The following LRIG3 variants were observed in gnomAD, a reference collection of about 807,000 sequenced individuals.
LRIG3 encodes the protein leucine rich repeats and immunoglobulin like domains 3.
LRIG3 carries 76 observed loss-of-function variants against 114.5 expected under a neutral mutation model. The observed-to-expected ratio is 0.66, with a 90% CI of 0.55 to 0.80. LRIG3 has a LOEUF of 0.80. LRIG3 is among the 30% of genes least tolerant of loss of function. LRIG3 has a pLI of 0.00. For synonymous variants in LRIG3, 512 were observed against 519.8 expected (o/e 0.98, Z 0.20); for missense variants, 1,239 against 1,382.8 (o/e 0.90, Z 1.65).
chr12:58,889,653 C>T (rs1871386195), intron 5 of LRIG3, among the ~76,000 whole-genome samples: 1 of 152,110 alleles, frequency 6.6e-6, no homozygotes, highest in African/African-American at 2.4e-5. Flanking sequence ...GCTATCAGAG[C>T]CTCCTGGAGT....
chr12:58,881,724 T>C (rs1871135940), intron 12 of LRIG3, among the ~76,000 whole-genome samples: 1 of 152,148 alleles, frequency 6.6e-6, no homozygotes, highest in Admixed American at 6.5e-5. Context: ...AAAGACAACT[T>C]TTTATGTGTA....
chr12:58,897,927 G>T (rs1269489073), intron 3 of LRIG3, among the ~76,000 whole-genome samples: 1 of 152,100 alleles, frequency 6.6e-6, no homozygotes, highest in African/African-American at 2.4e-5. Context: ...TGATTTACTT[G>T]TGAGTGGAGA....
chr12:58,915,796 A>G (rs1222098357), intron 1 of LRIG3, among the ~76,000 whole-genome samples: 1 of 152,210 alleles, frequency 6.6e-6, no homozygotes, highest in Non-Finnish European at 1.5e-5. Flanking sequence ...GGAAACCGTG[A>G]GCCCAACAAC....
At chr12:58,881,905 C>T (rs776630005) in intron 12 of LRIG3, among the ~76,000 whole-genome samples, 12 of 152,198 alleles carry the variant, frequency 7.9e-5, no homozygotes, top group East Asian at 7.7e-4. Flanking sequence ...TGTGTTTCAA[C>T]GTAATAGGGG....
chr12:58,906,667 G>A (rs902372592), intron 3 of LRIG3, among the ~76,000 whole-genome samples: 2 of 152,012 alleles, frequency 1.3e-5, no homozygotes, highest in South Asian at 2.1e-4. Context: ...ATAAGCCAAC[G>A]CTCCTATGAC....
At chr12:58,912,562 C>G (rs1036511906) in intron 3 of LRIG3, among the ~76,000 whole-genome samples, 2 of 152,164 alleles carry the variant, frequency 1.3e-5, no homozygotes, top group African/African-American at 4.8e-5. Context: ...GTTCTTAATG[C>G]TCTCAACGCT....
In LRIG3 at chr12:58,920,046, G is replaced by A; in HGVS notation, c.190C>T (p.Arg64Trp). 6.4e-7 allele frequency: 1 copy of A among 1,552,818 alleles called. No homozygotes were observed. Among genetic ancestry groups the A allele is most frequent in the Non-Finnish European group, 8.7e-7 (1 of 1,148,350 alleles). ...LGDLLDCSRK[R>W]LARLPEPLPS... ...AGTGGCTCGGGAAGACGCGCTAGCCGCTTACGACTGCAGTCCAGCAGGTCC... is the reference window on the plus strand; with the variant it reads ...AGTGGCTCGGGAAGACGCGCTAGCCACTTACGACTGCAGTCCAGCAGGTCC... The change falls in exon 1 of 19, where the codon CGG becomes TGG. Residue 64 changes from arginine to tryptophan, a missense_variant. Transcript: ENST00000320743.
At chr12:58,918,289 C>T (rs553198387) in intron 1 of LRIG3, among the ~76,000 whole-genome samples, 1 of 152,280 alleles carries the variant, frequency 6.6e-6, no homozygotes, top group South Asian at 2.1e-4. Context: ...AGTGTGCCAC[C>T]AAATTATCTG....
intron 3 of LRIG3, among the ~76,000 whole-genome samples, chr12:58,908,182 G>A (rs949010843): frequency 6.6e-6 from 1 of 152,226 alleles, no homozygotes; most frequent in Non-Finnish European, 1.5e-5. Context: ...CAAGCCAGCA[G>A]ATGGCGGAAA....
chr12:58,897,965 A>G (rs1871702534), intron 3 of LRIG3, among the ~76,000 whole-genome samples: 3 of 152,204 alleles, frequency 2.0e-5, no homozygotes, highest in Admixed American at 2.0e-4. Context: ...TTGGTTCCCC[A>G]GAATTCGGGA....
chr12:58,892,799 T>G (rs1163513416), intron 3 of LRIG3, among the ~76,000 whole-genome samples: 1 of 152,214 alleles, frequency 6.6e-6, no homozygotes, highest in Non-Finnish European at 1.5e-5. Flanking sequence ...ACCTAACAAG[T>G]TCAAGCATTC....
chr12:58,919,620 C>T, intron 1 of LRIG3: 4 of 1,490,154 alleles, frequency 2.7e-6, no homozygotes, highest in Non-Finnish European at 3.6e-6. Context: ...TCAGCGAGAA[C>T]TGCAAACTCC....
In LRIG3 at chr12:58,890,786, T is replaced by C. The variant is rs768354030; in HGVS notation, c.394A>G (p.Arg132Gly). 2 of 1,603,434 alleles carry C rather than the reference T, an allele frequency of 1.2e-6. No homozygotes were observed. The highest frequency in any genetic ancestry group is 1.7e-5 in the Admixed American group (1 of 58,270). ...TGTTCAGGGAGTATTTCAACAATCC[T>C]GTTTCCAGCCCTAGAATTAAAAGAA... ...NITLLSLAGN[R>G]IVEILPEHLK... The change falls in exon 4 of 19, where the codon AGG (arginine) becomes GGG (glycine). Residue 132 changes from arginine to glycine, a missense_variant. By Grantham distance (125) the Arg-to-Gly change is moderately radical. Coordinates refer to ENST00000320743, the MANE Select transcript of LRIG3 (RefSeq NM_153377.5).
chr12:58,898,198 A>C (rs1871712020), intron 3 of LRIG3, among the ~76,000 whole-genome samples: 1 of 152,138 alleles, frequency 6.6e-6, no homozygotes, highest in South Asian at 2.1e-4. Flanking sequence ...ACAGTAACTC[A>C]AACTACAGCT....
intron 4 of LRIG3, 28 bp downstream of exon 4, chr12:58,890,637 A>G: frequency 6.5e-7 from 1 of 1,545,598 alleles, no homozygotes; most frequent in Non-Finnish European, 8.7e-7. Context: ...TACAGGTGAA[A>G]GTTTTTGCTA....
rs1199473188 is a variant in LRIG3 at position 58,882,852 on chromosome 12, G to A, written c.1480+17C>T. The stretch of plus-strand genomic sequence containing the variant: ...AAAGAAGAATAAATAAAAGGCAAGG[G>A]CAATACTTATACTCACCACACACAA... On this transcript the variant is annotated intron_variant, in intron 12 of 18. Transcript: ENST00000320743. 2 of 1,594,120 alleles carry A rather than the reference G, an allele frequency of 1.3e-6. No homozygotes were observed. Among genetic ancestry groups the A allele is most frequent in the African/African-American group, 1.4e-5 (1 of 74,030 alleles).
intron 3 of LRIG3, among the ~76,000 whole-genome samples, chr12:58,892,349 C>T (rs1357276875): frequency 1.3e-5 from 2 of 152,210 alleles, no homozygotes. Flanking sequence ...TTACATAAGT[C>T]ACACACTGGT....
chr12:58,875,039 T>A (rs1416508149), intron 16 of LRIG3, among the ~76,000 whole-genome samples: 2 of 152,172 alleles, frequency 1.3e-5, no homozygotes, highest in Non-Finnish European at 2.9e-5. Flanking sequence ...GAAGAGTAAA[T>A]GATATCATCA....
At chr12:58,892,177 T>C (rs942471107) in intron 3 of LRIG3, among the ~76,000 whole-genome samples, 8 of 152,186 alleles carry the variant, frequency 5.3e-5, no homozygotes, top group African/African-American at 1.9e-4. Flanking sequence ...GCCATCATAA[T>C]TGTCATATTA....
Sources: gnomAD v4.1 joint callset for allele counts (sites outside exome capture counted in the v4.1 genomes callset) on GRCh38, gnomAD v4.1.1 for gene constraint, MANE v1.5 for transcripts, NCBI Gene and HGNC (gene_info 2026-07-23, HGNC 2026-07-21) for gene names.